The following ZNF407 variants were observed in gnomAD, a reference collection of about 807,000 sequenced individuals.
ZNF407 encodes zinc finger protein 407.
Under a neutral mutation model 131.2 loss-of-function variants are expected in ZNF407, and 17 were observed. That is an observed-to-expected ratio of 0.13 (90% confidence interval 0.09 to 0.19). ZNF407 has a LOEUF of 0.19. ZNF407 is among the 10% of genes least tolerant of loss of function. The pLI, the probability that ZNF407 is intolerant of heterozygous loss-of-function variation, is 1.00. For synonymous variants in ZNF407, 1,156 were observed against 1,062.0 expected (o/e 1.09, Z -1.72); for missense variants, 2,681 against 2,830.6 (o/e 0.95, Z 1.20).
intron 8 of ZNF407, among the ~76,000 whole-genome samples, chr18:75,049,572 T>C (rs1973475997): frequency 6.6e-6 from 1 of 152,186 alleles, no homozygotes; most frequent in African/African-American, 2.4e-5. Flanking sequence ...GTTTTTTTAA[T>C]AGGAGTCTCA....
intron 3 of ZNF407, among the ~76,000 whole-genome samples, chr18:74,757,750 A>C (rs981205385): frequency 6.6e-6 from 1 of 152,108 alleles, no homozygotes; most frequent in Non-Finnish European, 1.5e-5. Context: ...CAAGTCTCCA[A>C]ATCTTATTGT....
In ZNF407 at chr18:74,691,653, C is replaced by T. The variant is rs181854588; in HGVS notation, c.4802+50531C>T. On this transcript the variant is annotated intron_variant, in intron 3 of 8. Transcript: ENST00000299687. ...TAAAGTCTGAATGATTTATTTTAGA[C>T]CTTTTTTCTTTTTCTAATTTAAGCA... Among the ~76,000 whole-genome samples the T allele has an allele frequency of 4.4e-4, 67 of 152,158 alleles. No individual in the cohort carries two copies. The East Asian group carries it at 0.012, about 27-fold the overall frequency.
At position 74,648,169 on chromosome 18, in the gene ZNF407, C is replaced by A. The variant is rs536438372; in HGVS notation, c.4802+7047C>A. On this transcript the variant is annotated intron_variant, in intron 3 of 8. Coordinates refer to ENST00000299687, the MANE Select transcript of ZNF407 (RefSeq NM_017757.3). ...GCTTAGGTCAAGAAATACCAAGTCTCCCTAGCTGCTTCAGAAAACACTTCC... is the reference window on the plus strand; with the variant it reads ...GCTTAGGTCAAGAAATACCAAGTCTACCTAGCTGCTTCAGAAAACACTTCC... Among the ~76,000 whole-genome samples the A allele has an allele frequency of 3.9e-5, 6 of 152,298 alleles. No homozygotes were observed. In the South Asian group the frequency reaches 1.2e-3, roughly 32 times the overall value.
At chr18:75,005,149 C>G (rs368219940) in intron 8 of ZNF407, among the ~76,000 whole-genome samples, 2 of 152,194 alleles carry the variant, frequency 1.3e-5, no homozygotes, top group East Asian at 3.9e-4. Context: ...CAAGTGACTG[C>G]TTGATGGATG....
intron 1 of ZNF407, among the ~76,000 whole-genome samples, chr18:74,609,141 G>A (rs1045218174): frequency 1.2e-4 from 18 of 152,302 alleles, no homozygotes; most frequent in African/African-American, 3.8e-4. Context: ...TGCATTTGCT[G>A]ATCTCCGTCA....
At chr18:74,889,622 C>G in intron 6 of ZNF407, among the ~76,000 whole-genome samples, 1 of 152,112 alleles carries the variant, frequency 6.6e-6, no homozygotes, top group East Asian at 1.9e-4. Flanking sequence ...TTAAACCATT[C>G]TAAATACAGT....
intron 8 of ZNF407, among the ~76,000 whole-genome samples, chr18:74,933,603 G>T (rs1972007429): frequency 6.6e-6 from 1 of 152,082 alleles, no homozygotes; most frequent in Middle Eastern, 3.2e-3. Flanking sequence ...AAAATAATTT[G>T]GTACCCCTAT....
chr18:74,975,194 G>A lies in ZNF407; in HGVS notation c.5428+54502G>A, dbSNP rs116381631. Among the ~76,000 whole-genome samples, 349 of 152,302 alleles carry A rather than the reference G, an allele frequency of 2.3e-3. 1 individual carries two copies. Among genetic ancestry groups the A allele is most frequent in the African/African-American group, 7.7e-3 (321 of 41,552 alleles). ...CTTCTGCTGAAATATGCTTTTAATT[G>A]AAGCAGAGTTATGGCGATATATTAC... On this transcript the variant is annotated intron_variant, in intron 8 of 8. Transcript: ENST00000299687.
chr18:74,768,550 T>C (rs1969292879), intron 3 of ZNF407, among the ~76,000 whole-genome samples: 1 of 152,188 alleles, frequency 6.6e-6, no homozygotes, highest in Non-Finnish European at 1.5e-5. Context: ...ATTATATGCT[T>C]GGATAGGAAA....
chr18:75,027,705 G>A (rs1973187718), intron 8 of ZNF407, among the ~76,000 whole-genome samples: 1 of 152,162 alleles, frequency 6.6e-6, no homozygotes, highest in African/African-American at 2.4e-5. Context: ...GGAGTGTGAG[G>A]AGAGACAAGA....
At chr18:74,600,308 A>G (rs1982524565) in intron 1 of ZNF407, among the ~76,000 whole-genome samples, 1 of 152,242 alleles carries the variant, frequency 6.6e-6, no homozygotes, top group Non-Finnish European at 1.5e-5. Context: ...GGCCACATCC[A>G]AGGCAATATC....
intron 4 of ZNF407, among the ~76,000 whole-genome samples, chr18:74,841,565 TC>T (rs920976128): frequency 8.5e-5 from 13 of 152,226 alleles, no homozygotes; most frequent in African/African-American, 3.1e-4. Context: ...TCACCTGTGT[TC>T]ACCCAGGTGC....
intron 1 of ZNF407, among the ~76,000 whole-genome samples, chr18:74,608,784 G>A (rs1982924377): frequency 1.3e-5 from 2 of 152,136 alleles, no homozygotes; most frequent in Non-Finnish European, 2.9e-5. Flanking sequence ...ATTTTTGGTG[G>A]GAATACTAGC....
At chr18:74,810,354 GC>G (rs1970176656) in intron 4 of ZNF407, among the ~76,000 whole-genome samples, 1 of 86,780 alleles carries the variant, frequency 1.2e-5, no homozygotes, top group Non-Finnish European at 2.8e-5. Context: ...ATGCACCTTT[GC>G]TTTTTTTTTT....
Position 74,875,646 on chromosome 18 carries a change from T to C in ZNF407, c.4878-1551T>C, listed in dbSNP as rs1012711764. Among the ~76,000 whole-genome samples, 70 of 152,302 alleles carry C rather than the reference T, an allele frequency of 4.6e-4. 1 individual carries two copies. Among genetic ancestry groups the C allele is most frequent in the African/African-American group, 1.6e-3 (66 of 41,574 alleles). ...TGCATGAAGACCCGTCAAAGAGATATACGGACGTGATTTTTTTTTACAGTG... is the reference window on the plus strand; with the variant it reads ...TGCATGAAGACCCGTCAAAGAGATACACGGACGTGATTTTTTTTTACAGTG... On this transcript the variant is annotated intron_variant, in intron 4 of 8. Coordinates refer to ENST00000299687, the MANE Select transcript of ZNF407 (RefSeq NM_017757.3).
At chr18:75,019,844 G>T (rs1432474893) in intron 8 of ZNF407, among the ~76,000 whole-genome samples, 1 of 152,080 alleles carries the variant, frequency 6.6e-6, no homozygotes, top group Admixed American at 6.5e-5. Flanking sequence ...GAGAGAGAAG[G>T]GGGAGGTGAT....
chr18:75,018,384 A>G (rs1216745316), intron 8 of ZNF407, among the ~76,000 whole-genome samples: 4 of 152,080 alleles, frequency 2.6e-5, no homozygotes, highest in Non-Finnish European at 4.4e-5. Flanking sequence ...TAAAAAATTA[A>G]TGATAAAATA....
At chr18:74,858,328 C>T (rs1237772197) in intron 4 of ZNF407, among the ~76,000 whole-genome samples, 2 of 151,636 alleles carry the variant, frequency 1.3e-5, no homozygotes, top group Admixed American at 6.6e-5. Context: ...TTGTATTAAC[C>T]TCCTCTTACT....
chr18:74,626,876 G>A (rs909933406), intron 1 of ZNF407, among the ~76,000 whole-genome samples: 1 of 152,190 alleles, frequency 6.6e-6, no homozygotes, highest in African/African-American at 2.4e-5. Context: ...GACCAGCTGC[G>A]AAGGTGCATG....
Sources: allele counts gnomAD v4.1 joint callset (sites outside exome capture counted in the v4.1 genomes callset), GRCh38; gene constraint gnomAD v4.1.1; transcripts MANE v1.5; gene names NCBI Gene and HGNC (gene_info 2026-07-23, HGNC 2026-07-21).